IPP: variants seen among roughly 807,000 people sequenced by gnomAD.
IPP encodes intracisternal A particle-promoted polypeptide, also known as actin-binding protein IPP.
Under a neutral mutation model 64.1 loss-of-function variants are expected in IPP, and 41 were observed. That is an observed-to-expected ratio of 0.64 (90% CI 0.50 to 0.83). IPP has a LOEUF of 0.83. IPP is among the 40% of genes least tolerant of loss of function. IPP has a pLI of 0.00. For synonymous variants in IPP, 214 were observed against 235.2 expected (o/e 0.91, Z 0.83); for missense variants, 649 against 703.0 (o/e 0.92, Z 0.87).
intron 5 of IPP, among the ~76,000 whole-genome samples, chr1:45,720,116 C>T (rs1034489014): frequency 4.0e-5 from 6 of 151,836 alleles, no homozygotes; most frequent in African/African-American, 1.2e-4. Context: ...GGCTCTGTCA[C>T]CCAGGCTAGA....
At chr1:45,723,844 TA>T (rs1179405138) in intron 5 of IPP, among the ~76,000 whole-genome samples, 1 of 151,804 alleles carries the variant, frequency 6.6e-6, no homozygotes, top group Non-Finnish European at 1.5e-5. Flanking sequence ...AAAATAAAAA[TA>T]AAAATAAATT....
At chr1:45,705,065 T>C (rs1645499013) in intron 8 of IPP, among the ~76,000 whole-genome samples, 1 of 152,360 alleles carries the variant, frequency 6.6e-6, no homozygotes, top group Admixed American at 6.5e-5. Flanking sequence ...GCAGAAGTAG[T>C]TACAGAGCTG....
chr1:45,713,298 T>C (rs1490624121), intron 8 of IPP, among the ~76,000 whole-genome samples: 2 of 152,034 alleles, frequency 1.3e-5, no homozygotes, highest in East Asian at 3.9e-4. Context: ...CAGTGGCTCA[T>C]GCCTGTAATC....
At chr1:45,719,472 A>G in intron 5 of IPP, 132 bp from the exon 6 acceptor site, 1 of 571,116 alleles carries the variant, frequency 1.8e-6, no homozygotes, top group Non-Finnish European at 2.9e-6. Flanking sequence ...ACTATTCATT[A>G]ACTTTCATTT....
At chr1:45,737,614 C>T (rs946749362) in intron 3 of IPP, among the ~76,000 whole-genome samples, 21 of 152,004 alleles carry the variant, frequency 1.4e-4, no homozygotes, top group African/African-American at 5.1e-4. Flanking sequence ...GCACATGCCA[C>T]CATCCCCAGC....
chr1:45,702,306 C>T (rs1487094736), intron 8 of IPP, among the ~76,000 whole-genome samples: 2 of 149,774 alleles, frequency 1.3e-5, no homozygotes. Context: ...TCCCATGTTA[C>T]CTCAAAAAAA....
chr1:45,695,814 C>T (rs1487757643), downstream of IPP, among the ~76,000 whole-genome samples: 1 of 152,136 alleles, frequency 6.6e-6, no homozygotes, highest in African/African-American at 2.4e-5. Context: ...GGATTACAGG[C>T]ATGCGCCACC....
At chr1:45,711,899 G>T (rs1334009706) in intron 8 of IPP, among the ~76,000 whole-genome samples, 3 of 152,166 alleles carry the variant, frequency 2.0e-5, no homozygotes, top group Admixed American at 1.3e-4. Flanking sequence ...AAACCTGACA[G>T]AAATGAAAGG....
At chr1:45,708,749 A>AGTC (rs1384457095) in intron 8 of IPP, among the ~76,000 whole-genome samples, 2 of 144,834 alleles carry the variant, frequency 1.4e-5, no homozygotes, top group Non-Finnish European at 3.0e-5. Context: ...AATGAAGGAG[A>AGTC]GTCTGAACGC....
chr1:45,724,117 A>G (rs1260222379), intron 5 of IPP, among the ~76,000 whole-genome samples: 2 of 149,872 alleles, frequency 1.3e-5, no homozygotes, highest in Non-Finnish European at 3.0e-5. Flanking sequence ...GAGCGCCTGC[A>G]ATTGCAGGCG....
intron 3 of IPP, among the ~76,000 whole-genome samples, chr1:45,730,716 T>TA (rs35749282): frequency 0.28 from 43,294 of 152,072 alleles, 6,302 homozygotes; most frequent in South Asian, 0.37. Context: ...AAAGGCATTA[T>TA]AATGCTAGCA....
At chr1:45,727,863 C>T in intron 4 of IPP, 65 bp from the exon 5 acceptor site, 3 of 1,123,920 alleles carry the variant, frequency 2.7e-6, no homozygotes, top group Non-Finnish European at 3.7e-6. Context: ...TTTAGTATAA[C>T]TACTATATAA....
intron 4 of IPP, among the ~76,000 whole-genome samples, chr1:45,729,253 T>G (rs1281643762): frequency 2.0e-5 from 3 of 152,108 alleles, no homozygotes; most frequent in Non-Finnish European, 2.9e-5. Context: ...TCCTAATGAC[T>G]AGGATACTGT....
At chr1:45,746,965 C>T (rs1449719418) in intron 1 of IPP, among the ~76,000 whole-genome samples, 1 of 152,142 alleles carries the variant, frequency 6.6e-6, no homozygotes, top group Non-Finnish European at 1.5e-5. Context: ...GGAACCTTTC[C>T]CCATTGCTCC....
chr1:45,746,261 G>A lies in IPP; in HGVS notation c.151C>T (p.His51Tyr). ...LQVGQESFKA[H>Y]RLVLAASSPY... ...CTGCTGGCAGCCAAAACCAGCCGAT[G>A]AGCTTTAAAACTTTCCTGTCCAACT... is the stretch of plus-strand genomic sequence containing the variant. Residue 51 changes from histidine to tyrosine, a missense_variant, in exon 2 of 9, where the codon CAT becomes TAT. His to Tyr is a moderately conservative substitution (Grantham distance 83, BLOSUM62 2). Transcript: ENST00000396478. 1 of 1,614,198 alleles carries A rather than the reference G, an allele frequency of 6.2e-7. No homozygotes were observed. The highest frequency in any genetic ancestry group is 8.5e-7 in the Non-Finnish European group (1 of 1,180,036).
chr1:45,722,061 C>T (rs989193920), intron 5 of IPP, among the ~76,000 whole-genome samples: 3 of 151,382 alleles, frequency 2.0e-5, no homozygotes, highest in African/African-American at 4.9e-5. Flanking sequence ...AGTGAGACTC[C>T]GTTTCAAAAC....
chr1:45,705,194 C>T (rs1164642007), intron 8 of IPP, among the ~76,000 whole-genome samples: 1 of 152,238 alleles, frequency 6.6e-6, no homozygotes, highest in African/African-American at 2.4e-5. Context: ...TCCTGCCCTG[C>T]TACAGCTAGA....
chr1:45,701,538 T>C (rs1203041569), intron 8 of IPP, among the ~76,000 whole-genome samples: 18 of 152,136 alleles, frequency 1.2e-4, no homozygotes, highest in Admixed American at 8.5e-4. Flanking sequence ...CCACCCGCCT[T>C]GGCCTCCCAA....
At chr1:45,747,215 GT>G (rs1468187457) in intron 1 of IPP, among the ~76,000 whole-genome samples, 11 of 151,910 alleles carry the variant, frequency 7.2e-5, no homozygotes, top group African/African-American at 2.7e-4. Context: ...CATATGTTAG[GT>G]TTCCAATGTT....
Sources: allele counts gnomAD v4.1 joint callset (sites outside exome capture counted in the v4.1 genomes callset), GRCh38; gene constraint gnomAD v4.1.1; transcripts MANE v1.5; gene names NCBI Gene and HGNC (gene_info 2026-07-23, HGNC 2026-07-21).